The following IGSF5 variants were observed in gnomAD, a reference collection of about 807,000 sequenced individuals.
IGSF5 encodes the protein immunoglobulin superfamily member 5.
In IGSF5, 41 loss-of-function variants were observed where a neutral mutation model predicts 39.4. The ratio of observed to expected loss-of-function variants is 1.04; its 90% CI spans 0.81 to 1.35. The LOEUF (loss-of-function observed/expected upper bound fraction) is 1.35, where lower values mean the gene tolerates loss of function less well. Ranked by LOEUF, IGSF5 falls within the 40% of genes most tolerant of loss-of-function variation. The pLI is 0.00. For missense variants in IGSF5, 487 were observed against 494.6 expected (o/e 0.98, Z 0.15); for synonymous variants, 183 against 175.3 (o/e 1.04, Z -0.34).
chr21:39,794,730 G>T (rs1208792158), intron 8 of IGSF5, among the ~76,000 whole-genome samples: 1 of 152,140 alleles, frequency 6.6e-6, no homozygotes, highest in Non-Finnish European at 1.5e-5. Context: ...GCTGGGTTTT[G>T]GATAGCACAC....
At chr21:39,716,812 T>G in the IGSF5 span, among the ~76,000 whole-genome samples, 1 of 152,244 alleles carries the variant, frequency 6.6e-6, no homozygotes, top group East Asian at 1.9e-4. Context: ...TGAACATTTA[T>G]GTGCATGCGT....
intron 2 of IGSF5, among the ~76,000 whole-genome samples, chr21:39,764,389 C>T (rs552796493): frequency 6.6e-6 from 1 of 152,270 alleles, no homozygotes; most frequent in African/African-American, 2.4e-5. Flanking sequence ...TGCCCAGGCT[C>T]TAGTGCGGTG....
At chr21:39,740,063 G>C in the IGSF5 span, among the ~76,000 whole-genome samples, 94 of 152,306 alleles carry the variant, frequency 6.2e-4, no homozygotes, top group Non-Finnish European at 1.1e-3. Context: ...TTGGTTAGCT[G>C]CAGGCAAAGG....
At position 39,801,363 on chromosome 21, in the gene IGSF5, C is replaced by A. The variant is rs1457178179; in HGVS notation, c.*6C>A. 2 of 1,601,364 alleles carry A rather than the reference C, an allele frequency of 1.2e-6. No homozygotes were observed. The highest frequency in any genetic ancestry group is 1.3e-5 in the African/African-American group (1 of 74,668). On this transcript the variant is annotated 3_prime_UTR_variant, in exon 9 of 9. Coordinates refer to ENST00000380588, the MANE Select transcript of IGSF5 (RefSeq NM_001080444.2). ...GTAATACAACTGTAGTATAGCAAAG[C>A]CTTCCCCAAGCTCCACTGAGCACTT...
the IGSF5 span, among the ~76,000 whole-genome samples, chr21:39,723,429 A>C: frequency 6.6e-6 from 1 of 152,232 alleles, no homozygotes; most frequent in Admixed American, 6.5e-5. Context: ...CCATGGAATC[A>C]CAGAAGTGAC....
At chr21:39,737,087 G>A in the IGSF5 span, among the ~76,000 whole-genome samples, 1 of 151,914 alleles carries the variant, frequency 6.6e-6, no homozygotes, top group Admixed American at 6.6e-5. Context: ...AGATTATTCG[G>A]CTAATATGTT....
chr21:39,717,240 T>A, the IGSF5 span, among the ~76,000 whole-genome samples: 1 of 152,254 alleles, frequency 6.6e-6, no homozygotes, highest in Non-Finnish European at 1.5e-5. Flanking sequence ...TGCTGGATAT[T>A]AGACCTTTGT....
the IGSF5 span, among the ~76,000 whole-genome samples, chr21:39,737,415 C>T: frequency 8.3e-4 from 127 of 152,212 alleles, 1 homozygote; most frequent in Middle Eastern, 3.4e-3. Flanking sequence ...TCCCACAGGG[C>T]GAGGGCTCTG....
chr21:39,763,399 G>A (rs2837182), intron 2 of IGSF5, among the ~76,000 whole-genome samples: 16,831 of 152,200 alleles, frequency 0.11, 954 homozygotes, highest in Middle Eastern at 0.17. Context: ...TCATCTGAAA[G>A]TCAAATCAAG....
At position 39,771,074 on chromosome 21, in the gene IGSF5, C is replaced by G. The variant is rs1342787177; in HGVS notation, c.577C>G (p.Pro193Ala). 6.2e-7 allele frequency: 1 copy of G among 1,613,736 alleles called. No homozygotes were observed. The highest frequency in any genetic ancestry group is 8.5e-7 in the Non-Finnish European group (1 of 1,179,886). Reference sequence around the variant, plus strand: ...TTCAAGCTATTATTTTGTTCCGGAGCCCAGCGACCTTCAAAGTGCAGTGAG... The same window carrying G: ...TTCAAGCTATTATTTTGTTCCGGAGGCCAGCGACCTTCAAAGTGCAGTGAG... Reference protein sequence around the residue: ...SHSSYYFVPEPSDLQSAVSIL... With the variant: ...SHSSYYFVPEASDLQSAVSIL... Residue 193 changes from proline to alanine, a missense_variant, in exon 4 of 9, where the codon CCC becomes GCC. By Grantham distance (27) the Pro-to-Ala change is conservative. Coordinates refer to ENST00000380588, the MANE Select transcript of IGSF5 (RefSeq NM_001080444.2).
chr21:39,786,641 A>G (rs995672287), intron 5 of IGSF5, among the ~76,000 whole-genome samples: 4 of 151,370 alleles, frequency 2.6e-5, no homozygotes, highest in Non-Finnish European at 5.9e-5. Flanking sequence ...TCATGCTGCT[A>G]TAAAGACACA....
At chr21:39,735,786 G>A in the IGSF5 span, among the ~76,000 whole-genome samples, 3 of 152,248 alleles carry the variant, frequency 2.0e-5, no homozygotes, top group African/African-American at 7.2e-5. Context: ...GGCAAAAATC[G>A]ATGACTTCTC....
In IGSF5 at chr21:39,756,164, G is replaced by A. The variant is rs146157692; in HGVS notation, c.101-9371G>A. Among the ~76,000 whole-genome samples the A allele has an allele frequency of 2.2e-3, 330 of 152,298 alleles. 2 individuals carry two copies. The highest frequency in any genetic ancestry group is 0.017 in the Middle Eastern group (5 of 294). ...CAAGTAGTTATAGTTTAGTGCACACGTTGAATTTTGCTTTCTAAAGACCTC... is the reference window on the plus strand; with the variant it reads ...CAAGTAGTTATAGTTTAGTGCACACATTGAATTTTGCTTTCTAAAGACCTC... On this transcript the variant is annotated intron_variant, in intron 2 of 8. Coordinates refer to ENST00000380588, the MANE Select transcript of IGSF5 (RefSeq NM_001080444.2).
the IGSF5 span, among the ~76,000 whole-genome samples, chr21:39,735,790 A>T: frequency 6.6e-6 from 1 of 152,134 alleles, no homozygotes; most frequent in Non-Finnish European, 1.5e-5. Context: ...AAAATCGATG[A>T]CTTCTCCCCC....
chr21:39,776,629 A>T (rs553301875), intron 4 of IGSF5, among the ~76,000 whole-genome samples: 1 of 152,144 alleles, frequency 6.6e-6, no homozygotes, highest in Admixed American at 6.6e-5. Context: ...TTAAACATGC[A>T]TTCTCTGAAA....
intron 3 of IGSF5, among the ~76,000 whole-genome samples, chr21:39,769,787 AATT>A (rs745772384): frequency 7.2e-5 from 11 of 152,118 alleles, no homozygotes; most frequent in African/African-American, 1.7e-4. Context: ...ACATGTAATA[AATT>A]ATTATTTTAA....
At chr21:39,790,319 G>A (rs1174935256) in intron 6 of IGSF5, among the ~76,000 whole-genome samples, 2 of 152,046 alleles carry the variant, frequency 1.3e-5, no homozygotes, top group African/African-American at 4.8e-5. Context: ...TTTACCTTTT[G>A]CTTTAAATGG....
At position 39,794,001 on chromosome 21, in the gene IGSF5, C is replaced by T. The variant is rs149651926; in HGVS notation, c.1128+388C>T. On this transcript the variant is annotated intron_variant, in intron 8 of 8. Transcript: ENST00000380588. ...CTGCTCTCCTGGTTACCCGCTCCCA[C>T]GTGCTCATCTGTACTTGGACCCTTG... Among the ~76,000 whole-genome samples, 539 of 152,310 alleles carry T rather than the reference C, an allele frequency of 3.5e-3. 3 individuals carry two copies. The highest frequency in any genetic ancestry group is 6.3e-3 in the Non-Finnish European group (431 of 68,024).
the IGSF5 span, among the ~76,000 whole-genome samples, chr21:39,720,478 C>T: frequency 6.6e-6 from 1 of 152,188 alleles, no homozygotes; most frequent in Admixed American, 6.5e-5. Flanking sequence ...CCATAATTAA[C>T]ATCTTACATA....
Sources: gnomAD v4.1 joint callset for allele counts (sites outside exome capture counted in the v4.1 genomes callset) on GRCh38, gnomAD v4.1.1 for gene constraint, MANE v1.5 for transcripts, NCBI Gene and HGNC (gene_info 2026-07-23, HGNC 2026-07-21) for gene names.